The following LETM2 variants were observed in gnomAD, a reference collection of about 807,000 sequenced individuals.
LETM2 encodes the protein LETM1 domain-containing protein LETM2, mitochondrial.
A neutral mutation model predicts 59.6 loss-of-function variants in LETM2; 58 were observed. The observed-to-expected ratio is 0.97, with a 90% CI of 0.79 to 1.21. The LOEUF (loss-of-function observed/expected upper bound fraction) is 1.21. Ranked by LOEUF, LETM2 falls within the 50% of genes most tolerant of loss-of-function variation. The probability of loss-of-function intolerance (pLI) is 0.00; values close to 1 mark genes in which losing one functional copy is unlikely to be tolerated. For synonymous variants in LETM2, 199 were observed against 214.1 expected (o/e 0.93, Z 0.62); for missense variants, 572 against 575.7 (o/e 0.99, Z 0.07).
rs539379817 is a variant in LETM2 at position 38,394,297 on chromosome 8, G to A, written c.645+56G>A. The A allele has an allele frequency of 5.8e-4, 642 of 1,100,692 alleles. 2 individuals are homozygous for A. Among genetic ancestry groups the A allele is most frequent in the Middle Eastern group, 1.7e-3 (7 of 4,200 alleles). The allele number at this position is 1,100,692 out of a possible 1,614,324, so 68.2% of individuals were successfully genotyped here. On this transcript the variant is annotated intron_variant, in intron 4 of 10. Coordinates refer to ENST00000379957, the MANE Select transcript of LETM2 (RefSeq NM_001286819.2). ...TAAACCTTATTAGAGGAGTTTTTAG[G>A]TTTACAGAAAACTTGGGCAGAAAGT...
At chr8:38,383,211 A>T (rs1318650156), upstream of LETM2, 3 of 152,190 alleles carry the variant, frequency 2.0e-5, no homozygotes, top group South Asian at 2.1e-4. Context: ...CCGGGAGGCA[A>T]CTCTCCGTCA....
rs1468846287 is a variant in LETM2 at position 38,409,129 on chromosome 8, G to A, written c.*855G>A. 1.3e-5 allele frequency: 2 copies of A among 152,190 alleles called. No homozygotes were observed. Among genetic ancestry groups the A allele is most frequent in the Non-Finnish European group, 2.9e-5 (2 of 68,036 alleles). 9.4% of individuals were successfully genotyped at this position (152,190 alleles called of 1,614,324 possible). ...TTACATTAGGATATTTATGCTTGGT[G>A]TTTTCAGTATTAATAATATGAAATA... On this transcript the variant is annotated 3_prime_UTR_variant, in exon 11 of 11. Transcript: ENST00000379957.
intron 4 of LETM2, among the ~76,000 whole-genome samples, chr8:38,398,615 T>C (rs1563391229): frequency 1.3e-5 from 2 of 152,196 alleles, no homozygotes; most frequent in Non-Finnish European, 2.9e-5. Context: ...TCTTACCTGT[T>C]GTTGCTCATT....
intron 4 of LETM2, among the ~76,000 whole-genome samples, chr8:38,397,393 A>G (rs1812776417): frequency 6.6e-6 from 1 of 152,216 alleles, no homozygotes. Context: ...TTTCACAGAA[A>G]AGGTAACTTT....
Position 38,400,351 on chromosome 8 carries a change from G to A in LETM2, c.725G>A (p.Arg242Lys). 2 of 1,613,478 alleles carry A rather than the reference G, an allele frequency of 1.2e-6. No individual in the cohort carries two copies. Among genetic ancestry groups the A allele is most frequent in the South Asian group, 2.2e-5 (2 of 90,876 alleles). ...FLQETMTEMARRNRAKMGDAS... is the reference protein window; with the variant it reads ...FLQETMTEMAKRNRAKMGDAS... Reference sequence around the variant, plus strand: ...CAAGAAACCATGACAGAAATGGCAAGGAGGAACAGAGCCAAGATGGGCGAT... The same window carrying A: ...CAAGAAACCATGACAGAAATGGCAAAGAGGAACAGAGCCAAGATGGGCGAT... The change falls in exon 5 of 11, where the codon AGG (arginine) becomes AAG (lysine). Residue 242 changes from arginine (R) to lysine (K), a missense_variant. Coordinates refer to ENST00000379957, the MANE Select transcript of LETM2 (RefSeq NM_001286819.2).
At chr8:38,400,654 G>A (rs1813124277) in intron 5 of LETM2, 199 bp from the exon 6 acceptor site, 1 of 666,254 alleles carries the variant, frequency 1.5e-6, no homozygotes, top group Non-Finnish European at 2.5e-6. Context: ...TAGATTTAGA[G>A]TCAAACTTCC....
rs775704258 is a variant in LETM2, at chr8:38,402,512, A to C, written c.985-13A>C. The C allele has an allele frequency of 6.2e-7, 1 of 1,613,574 alleles. No homozygotes were observed. The highest frequency in any genetic ancestry group is 1.1e-5 in the South Asian group (1 of 91,068). ...ATCAAAAGTTCCAACTCCATCCCTT[A>C]CATTTCTTTCAGATAATTGCCAAGG... On this transcript the variant is annotated splice_polypyrimidine_tract_variant and intron_variant, in intron 6 of 10. Coordinates refer to ENST00000379957, the MANE Select transcript of LETM2 (RefSeq NM_001286819.2).
At chr8:38,389,542 AAAGACT>A (rs1352425072) in intron 2 of LETM2, among the ~76,000 whole-genome samples, 2 of 152,106 alleles carry the variant, frequency 1.3e-5, no homozygotes, top group Non-Finnish European at 2.9e-5. Flanking sequence ...CACTGAGACT[AAAGACT>A]ATTCACTGAG....
At chr8:38,404,333 G>C (rs893545812) in intron 7 of LETM2, 60 bp from the exon 8 acceptor site, 3 of 1,190,492 alleles carry the variant, frequency 2.5e-6, no homozygotes, top group Non-Finnish European at 2.5e-6. Flanking sequence ...GTAGATGACC[G>C]CGGATCACTC....
In LETM2 at chr8:38,394,114, TTGA is replaced by T; in HGVS notation, c.520_522del (p.Asp174del). The T allele has an allele frequency of 6.8e-7, 1 of 1,479,254 alleles. No individual in the cohort carries two copies. Among genetic ancestry groups the T allele is most frequent in the Non-Finnish European group, 8.9e-7 (1 of 1,123,598 alleles). 91.6% of individuals were successfully genotyped at this position (1,479,254 alleles called of 1,614,324 possible). Reference sequence around the variant, plus strand: ...ATTCTATAGCTGTTGAGAACTTGTGTTGATTTCTTCCGCCTGGTTCCATTTATG... The same window carrying T: ...ATTCTATAGCTGTTGAGAACTTGTGTTTTCTTCCGCCTGGTTCCATTTATG... On this transcript the variant is annotated inframe_deletion, in exon 4 of 11. Coordinates refer to ENST00000379957, the MANE Select transcript of LETM2 (RefSeq NM_001286819.2).
At chr8:38,403,465 C>A (rs1338249658) in intron 7 of LETM2, among the ~76,000 whole-genome samples, 1 of 152,258 alleles carries the variant, frequency 6.6e-6, no homozygotes, top group East Asian at 1.9e-4. Flanking sequence ...TGGTGGCCCA[C>A]CTGGGGCTGC....
At chr8:38,385,176 C>T (rs1178684152), upstream of LETM2, among the ~76,000 whole-genome samples, 1 of 152,160 alleles carries the variant, frequency 6.6e-6, no homozygotes, top group Non-Finnish European at 1.5e-5. Flanking sequence ...AAAGTTTTGC[C>T]TATTTAACAG....
chr8:38,391,682 G>T (rs186593265), intron 2 of LETM2, among the ~76,000 whole-genome samples: 2 of 150,820 alleles, frequency 1.3e-5, no homozygotes, highest in Admixed American at 1.3e-4. Context: ...CCTTAATTGG[G>T]GTGCCCAATT....
chr8:38,392,507 G>A (rs1263118608), intron 2 of LETM2, 35 bp from the exon 3 acceptor site: 1 of 1,221,296 alleles, frequency 8.2e-7, no homozygotes, highest in Admixed American at 1.7e-5. Context: ...GTAATAGTAT[G>A]TACTTAACTC....
Position 38,408,361 on chromosome 8 carries a change from T to C in LETM2, c.*87T>C, listed in dbSNP as rs1464505789. 2 of 1,186,488 alleles carry C rather than the reference T, an allele frequency of 1.7e-6. No individual in the cohort carries two copies. The highest frequency in any genetic ancestry group is 2.5e-6 in the Non-Finnish European group (2 of 814,836). The allele number at this position is 1,186,488 out of a possible 1,614,324, so 73.5% of individuals were successfully genotyped here. A position where few individuals can be genotyped will look rare whatever the true frequency, so the allele number is the denominator to read the frequency against. Reference sequence around the variant, plus strand: ...AAAGGACCTCCCAGATAAGACTGTCTGGCTTCAGAGAGCGGATCAGCTGTT... The same window carrying C: ...AAAGGACCTCCCAGATAAGACTGTCCGGCTTCAGAGAGCGGATCAGCTGTT... On this transcript the variant is annotated 3_prime_UTR_variant, in exon 11 of 11. Transcript: ENST00000379957.
At chr8:38,386,066 A>C (rs982244660), upstream of LETM2, 5 of 152,234 alleles carry the variant, frequency 3.3e-5, no homozygotes, top group Non-Finnish European at 5.9e-5. Flanking sequence ...CGACACCATC[A>C]AATCCTCTCA....
At position 38,406,882 on chromosome 8, in the gene LETM2, T is replaced by TAA. The variant is rs1390810146; in HGVS notation, c.1219-61_1219-60dup. 11 of 1,090,424 alleles carry TAA rather than the reference T, an allele frequency of 1.0e-5. No homozygotes were observed. In the East Asian group the frequency reaches 2.6e-4, roughly 26 times the overall value. 67.5% of individuals were successfully genotyped at this position (1,090,424 alleles called of 1,614,324 possible). ...GTGCTAAAAAAGGCATTGACTACTG[T>TAA]AAAAGTTTCTGGGTTTTAGGAAGAG... On this transcript the variant is annotated intron_variant, in intron 8 of 10. Coordinates refer to ENST00000379957, the MANE Select transcript of LETM2 (RefSeq NM_001286819.2).
chr8:38,388,917 C>T (rs1471186673), intron 2 of LETM2, among the ~76,000 whole-genome samples: 5 of 151,970 alleles, frequency 3.3e-5, no homozygotes, highest in Non-Finnish European at 5.9e-5. Context: ...AGGCATGCGC[C>T]GCCATGTCCC....
In LETM2 at chr8:38,400,888, A is replaced by G. The variant is rs1431210478; in HGVS notation, c.819A>G (p.Ile273Met). Residue 273 changes from isoleucine to methionine, a missense_variant, in exon 6 of 11, where the codon ATA becomes ATG. Coordinates refer to ENST00000379957, the MANE Select transcript of LETM2 (RefSeq NM_001286819.2). ...QTGHKPSTKEIVRFSKLFEDQ... is the reference protein window; with the variant it reads ...QTGHKPSTKEMVRFSKLFEDQ... ...GCCACAAGCCCAGCACAAAGGAGATAGTTCGCTTCTCCAAACTATTTGAGG... is the reference window on the plus strand; with the variant it reads ...GCCACAAGCCCAGCACAAAGGAGATGGTTCGCTTCTCCAAACTATTTGAGG... 6 of 1,614,108 alleles carry G rather than the reference A, an allele frequency of 3.7e-6. No individual in the cohort carries two copies. The highest frequency in any genetic ancestry group is 5.1e-6 in the Non-Finnish European group (6 of 1,180,046).
Sources: allele counts gnomAD v4.1 joint callset (sites outside exome capture counted in the v4.1 genomes callset), GRCh38; gene constraint gnomAD v4.1.1; transcripts MANE v1.5; gene names NCBI Gene and HGNC (gene_info 2026-07-23, HGNC 2026-07-21).